Variants in SEC61G observed in about 807,000 individuals in gnomAD.
SEC61G encodes SEC61 translocon subunit gamma, also known as protein transport protein Sec61 subunit gamma.
In SEC61G, 4 loss-of-function variants were observed where a neutral mutation model predicts 7.5. The observed-to-expected ratio is 0.54, with a 90% CI of 0.26 to 1.22. The LOEUF (loss-of-function observed/expected upper bound fraction) is 1.22. SEC61G is among the 50% of genes most tolerant of loss of function. The pLI, the probability that SEC61G is intolerant of heterozygous loss-of-function variation, is 0.12. For synonymous variants in SEC61G, 24 were observed against 24.4 expected (o/e 0.98, Z 0.05); for missense variants, 53 against 84.6 (o/e 0.63, Z 1.46).
chr7:54,753,567 C>T (rs1791453758), intron 3 of SEC61G, among the ~76,000 whole-genome samples: 1 of 152,116 alleles, frequency 6.6e-6, no homozygotes, highest in African/African-American at 2.4e-5. Context: ...CTCTTTCAAG[C>T]AGGGAAAGCA....
intron 1 of SEC61G, among the ~76,000 whole-genome samples, chr7:54,758,696 G>A (rs370531576): frequency 6.6e-6 from 1 of 152,082 alleles, no homozygotes; most frequent in African/African-American, 2.4e-5. Flanking sequence ...CAATGTCAGG[G>A]GTAGAGATCC....
Position 54,756,647 on chromosome 7 carries a change from T to C in SEC61G, c.95-766A>G, listed in dbSNP as rs116529142. 4.9e-3 allele frequency among the ~76,000 whole-genome samples: 743 copies of C among 152,288 alleles called. 5 individuals are homozygous for C. The highest frequency in any genetic ancestry group is 0.017 in the African/African-American group (689 of 41,560). On this transcript the variant is annotated intron_variant, in intron 2 of 3. Transcript: ENST00000352861. ...CAGCCTGGGCAACAGAGTGAGACTC[T>C]GTCTGAGTTGAGCACAATTTTATAA...
chr7:54,752,439 T>G lies in SEC61G; in HGVS notation c.198-19A>C. The G allele has an allele frequency of 2.1e-6, 3 of 1,448,542 alleles. No homozygotes were observed. The highest frequency in any genetic ancestry group is 1.9e-6 in the Non-Finnish European group (2 of 1,053,720). 89.7% of individuals were successfully genotyped at this position (1,448,542 alleles called of 1,614,324 possible). A position where few individuals can be genotyped will look rare whatever the true frequency, so the allele number is the denominator to read the frequency against. ...GCCACCACTGTAAAAGAAAGAAAAA[T>G]TATTACTTCTGAGCATAGATAAGAT... On this transcript the variant is annotated intron_variant, in intron 3 of 3. Coordinates refer to ENST00000352861, the MANE Select transcript of SEC61G (RefSeq NM_014302.4).
rs1425298427 is a variant in SEC61G, at chr7:54,757,116, C to A, written c.94+379G>T. Among the ~76,000 whole-genome samples, 5 of 151,636 alleles carry A rather than the reference C, an allele frequency of 3.3e-5. No homozygotes were observed. In the East Asian group the frequency reaches 7.7e-4, roughly 23 times the overall value. ...GAATCATGATAAATAACAAAATTAA[C>A]TTTCTAGTTTGGCAAAAACTATATT... On this transcript the variant is annotated intron_variant, in intron 2 of 3. Coordinates refer to ENST00000352861, the MANE Select transcript of SEC61G (RefSeq NM_014302.4).
intron 1 of SEC61G, among the ~76,000 whole-genome samples, chr7:54,758,528 T>C (rs1409472385): frequency 2.6e-5 from 4 of 152,184 alleles, no homozygotes; most frequent in Non-Finnish European, 4.4e-5. Context: ...TCTGCAACGT[T>C]CTGGGGGCAA....
intron 3 of SEC61G, chr7:54,755,242 C>A (rs972641794): frequency 6.6e-6 from 1 of 152,196 alleles, no homozygotes; most frequent in Non-Finnish European, 1.5e-5. Flanking sequence ...TGTATTCTTA[C>A]CCAAATTGTT....
At chr7:54,753,518 C>T (rs1019779164) in intron 3 of SEC61G, among the ~76,000 whole-genome samples, 7 of 151,878 alleles carry the variant, frequency 4.6e-5, no homozygotes, top group African/African-American at 1.7e-4. Context: ...GAGTTATTTC[C>T]CTTGCTACCA....
chr7:54,755,907 A>G (rs375127344), intron 2 of SEC61G, 26 bp from the exon 3 acceptor site: 2 of 1,458,944 alleles, frequency 1.4e-6, no homozygotes, highest in East Asian at 2.3e-5. Context: ...GGAAATTCAC[A>G]TATTTTTTGC....
Position 54,755,853 on chromosome 7 carries a change from T to G in SEC61G, c.123A>C (p.Ala41=), listed in dbSNP as rs1391071730. 1.3e-6 allele frequency: 2 copies of G among 1,590,050 alleles called. No homozygotes were observed. Among genetic ancestry groups the G allele is most frequent in the African/African-American group, 2.7e-5 (2 of 74,344 alleles). ...KEFQKIAMAT[A]IGFAIMGFIG... ...TGAATCCCATTATAGCAAATCCTAT[T>G]GCTGTTGCCATGGCAATCTTCTGGA... The change falls in exon 3 of 4, where the codon GCA becomes GCC. Residue 41 remains alanine (A), a synonymous_variant. Transcript: ENST00000352861.
In SEC61G at chr7:54,755,814, C is replaced by T. The variant is rs1477514425; in HGVS notation, c.162G>A (p.Val54=). The change falls in exon 3 of 4, where the codon GTG becomes GTA. Residue 54 remains valine, a synonymous_variant. Transcript: ENST00000352861. ...TATTAATAGGAATATGGATCAATTT[C>T]ACAAAGAAGCCAATGAATCCCATTA... ...FAIMGFIGFF[V]KLIHIPINNI... is the part of the protein sequence containing the mutation. 5 of 1,585,150 alleles carry T rather than the reference C, an allele frequency of 3.2e-6. No homozygotes were observed. The African/African-American group carries it at 5.4e-5, about 17-fold the overall frequency.
At chr7:54,757,167 C>T (rs1005157953) in intron 2 of SEC61G, among the ~76,000 whole-genome samples, 6 of 151,788 alleles carry the variant, frequency 4.0e-5, no homozygotes, top group South Asian at 2.1e-4. Context: ...AGGTTTTGTT[C>T]GTTGGGGTGG....
In SEC61G at chr7:54,755,876, G is replaced by T; in HGVS notation, c.100C>A (p.Gln34Lys). Reference protein sequence around the residue: ...RCTKPDRKEFQKIAMATAIGF... With the variant: ...RCTKPDRKEFKKIAMATAIGF... Reference sequence around the variant, plus strand: ...ATTGCTGTTGCCATGGCAATCTTCTGGAATTCTGCATTTAAAAACAGGAAA... The same window carrying T: ...ATTGCTGTTGCCATGGCAATCTTCTTGAATTCTGCATTTAAAAACAGGAAA... Residue 34 changes from glutamine (Q) to lysine (K), a missense_variant, in exon 3 of 4, where the codon CAG becomes AAG. By Grantham distance (53) the Gln-to-Lys change is moderately conservative (BLOSUM62 1). Transcript: ENST00000352861. The T allele has an allele frequency of 6.4e-7, 1 of 1,565,968 alleles. No homozygotes were observed. The highest frequency in any genetic ancestry group is 8.7e-7 in the Non-Finnish European group (1 of 1,153,352).
rs564630312 is a variant in SEC61G, at chr7:54,759,111, G to C, written c.-7+47C>G. ...CCCGCTGCCCCCAAGAGTCGCAAAG[G>C]TGTGGCCGCCCCGTTCGCCCGTACC... On this transcript the variant is annotated intron_variant, in intron 1 of 3. Transcript: ENST00000352861. 2.9e-3 allele frequency: 1,473 copies of C among 507,408 alleles called. 6 individuals carry two copies. Among genetic ancestry groups the C allele is most frequent in the Middle Eastern group, 4.8e-3 (15 of 3,116 alleles). 31.4% of individuals were successfully genotyped at this position (507,408 alleles called of 1,614,324 possible). A position where few individuals can be genotyped will look rare whatever the true frequency, so the allele number is the denominator to read the frequency against.
intron 1 of SEC61G, among the ~76,000 whole-genome samples, chr7:54,758,422 T>C (rs1791563695): frequency 6.6e-6 from 1 of 152,226 alleles, no homozygotes; most frequent in South Asian, 2.1e-4. Flanking sequence ...TTCAAATCAC[T>C]GGCTATGGAA....
intron 3 of SEC61G, 60 bp from the exon 4 acceptor site, chr7:54,752,480 T>G (rs1791433740): frequency 1.8e-6 from 2 of 1,129,322 alleles, no homozygotes; most frequent in South Asian, 3.0e-5. Context: ...TAATTATTAT[T>G]ATTTGAAATG....
chr7:54,753,987 T>C (rs369644575), intron 3 of SEC61G, among the ~76,000 whole-genome samples: 447 of 152,318 alleles, frequency 2.9e-3, no homozygotes, highest in African/African-American at 9.6e-3. Context: ...TCAGTGCTTT[T>C]AACGGATACA....
chr7:54,753,716 A>G (rs1383532614), intron 3 of SEC61G, among the ~76,000 whole-genome samples: 4 of 152,182 alleles, frequency 2.6e-5, no homozygotes, highest in Non-Finnish European at 4.4e-5. Context: ...TAACTTCTTA[A>G]ACATTGAAAC....
At chr7:54,757,470 T>G in intron 2 of SEC61G, 25 bp downstream of exon 2, 1 of 1,579,838 alleles carries the variant, frequency 6.3e-7, no homozygotes, top group Non-Finnish European at 8.7e-7. Flanking sequence ...AGATTTAATT[T>G]TTTCTCTCAT....
rs538505400 is a variant in SEC61G, at chr7:54,753,463, AAAG to A, written c.198-1046_198-1044del. 4.9e-3 allele frequency among the ~76,000 whole-genome samples: 742 copies of A among 152,308 alleles called. 5 individuals are homozygous for A. Among genetic ancestry groups the A allele is most frequent in the African/African-American group, 0.017 (689 of 41,580 alleles). On this transcript the variant is annotated intron_variant, in intron 3 of 3. Transcript: ENST00000352861. ...ATTTTGATTGCTATACTTAGAAAAA[AAAG>A]AAGAAAAAAATCTTAAGAAAAAACT...
Sources: gnomAD v4.1 joint callset for allele counts (sites outside exome capture counted in the v4.1 genomes callset) on GRCh38, gnomAD v4.1.1 for gene constraint, MANE v1.5 for transcripts, NCBI Gene and HGNC (gene_info 2026-07-23, HGNC 2026-07-21) for gene names.